ING5: variants seen among roughly 807,000 people sequenced by gnomAD.
ING5 encodes the protein inhibitor of growth family member 5.
ING5 carries 17 observed loss-of-function variants against 37.4 expected under a neutral mutation model. The ratio of observed to expected loss-of-function variants is 0.45; its 90% CI spans 0.31 to 0.68. The LOEUF (loss-of-function observed/expected upper bound fraction) is 0.68. Ranked by LOEUF, ING5 falls within the 30% of genes least tolerant of loss-of-function variation. ING5 has a pLI of 0.05. For synonymous variants in ING5, 123 were observed against 116.6 expected (o/e 1.06, Z -0.36); for missense variants, 233 against 311.9 (o/e 0.75, Z 1.91).
chr2:241,687,360 G>C, exon 1 of ING5: 1 of 398,866 alleles, frequency 2.5e-6, no homozygotes. Flanking sequence ...CTGGAGCCCA[G>C]CACGACTGCG....
chr2:241,713,826 CA>C (rs1162754537), intron 5 of ING5, among the ~76,000 whole-genome samples: 1 of 151,770 alleles, frequency 6.6e-6, no homozygotes, highest in African/African-American at 2.4e-5. Flanking sequence ...CCGTCTCTAC[CA>C]AAAATGCAAA....
chr2:241,712,706 G>A (rs1377157350), intron 5 of ING5, among the ~76,000 whole-genome samples: 1 of 152,144 alleles, frequency 6.6e-6, no homozygotes, highest in East Asian at 1.9e-4. Flanking sequence ...AAGCCTCTGT[G>A]GAGATGATCT....
rs150526503 is a variant in ING5, at chr2:241,720,868, G to A, written c.483-2071G>A. 4.7e-3 allele frequency: 4,623 copies of A among 985,736 alleles called. 12 individuals are homozygous for A. Among genetic ancestry groups the A allele is most frequent in the Non-Finnish European group, 5.3e-3 (4,365 of 830,170 alleles). 61.1% of individuals were successfully genotyped at this position (985,736 alleles called of 1,614,324 possible). ...TGATAGCAGCACTCCCTGGCCACAC[G>A]CCATGGCGCTCCCTCAGGCGAGACT... is the stretch of plus-strand genomic sequence containing the variant. On this transcript the variant is annotated intron_variant, in intron 5 of 7. Transcript: ENST00000313552.
intron 1 of ING5, among the ~76,000 whole-genome samples, chr2:241,688,392 G>A (rs2069486854): frequency 6.6e-6 from 1 of 152,188 alleles, no homozygotes; most frequent in Non-Finnish European, 1.5e-5. Context: ...TTCCCCATGA[G>A]CTCTTGAGAC....
At chr2:241,720,338 T>G in intron 5 of ING5, 2 of 1,207,092 alleles carry the variant, frequency 1.7e-6, no homozygotes, top group Non-Finnish European at 2.1e-6. Context: ...GCAGGTCCTG[T>G]TCCCTGCTGG....
At chr2:241,711,337 G>T in intron 3 of ING5, 40 bp from the exon 4 acceptor site, 1 of 1,381,826 alleles carries the variant, frequency 7.2e-7, no homozygotes, top group South Asian at 1.6e-5. Context: ...GAGGTGTTTT[G>T]GTTTTACTTT....
rs192173174 is a variant in ING5 at position 241,713,130 on chromosome 2, C to T, written c.482+1059C>T. Among the ~76,000 whole-genome samples the T allele has an allele frequency of 3.3e-5, 5 of 150,142 alleles. No homozygotes were observed. In the South Asian group the frequency reaches 6.3e-4, roughly 19 times the overall value. On this transcript the variant is annotated intron_variant, in intron 5 of 7. Coordinates refer to ENST00000313552, the MANE Select transcript of ING5 (RefSeq NM_032329.6). Reference sequence around the variant, plus strand: ...GGAGTGCAATGGCGCCATCTCGGCTCACTGCAACCTCTGCCTCCCAGGTTC... The same window carrying T: ...GGAGTGCAATGGCGCCATCTCGGCTTACTGCAACCTCTGCCTCCCAGGTTC...
chr2:241,709,559 T>TTG (rs1553584437), intron 3 of ING5, among the ~76,000 whole-genome samples, 177 bp downstream of exon 3: 2 of 148,356 alleles, frequency 1.3e-5, no homozygotes, highest in Non-Finnish European at 3.0e-5. Context: ...ATCCCTGTTT[T>TTG]TTTTTTTTTT....
At chr2:241,718,995 C>G (rs903784183) in intron 5 of ING5, among the ~76,000 whole-genome samples, 2 of 152,206 alleles carry the variant, frequency 1.3e-5, no homozygotes, top group African/African-American at 4.8e-5. Flanking sequence ...TCTGTTCTCC[C>G]CAGGAGGTGT....
intron 5 of ING5, among the ~76,000 whole-genome samples, chr2:241,713,466 G>A (rs991637868): frequency 1.3e-5 from 2 of 150,896 alleles, no homozygotes; most frequent in African/African-American, 4.9e-5. Flanking sequence ...TGCCTCCCAG[G>A]TTCAAGCAGT....
intron 1 of ING5, among the ~76,000 whole-genome samples, chr2:241,703,172 C>T (rs1156775605): frequency 3.3e-5 from 5 of 152,194 alleles, no homozygotes; most frequent in Non-Finnish European, 7.4e-5. Context: ...GTGGGCTGGC[C>T]TCCCAAGGAG....
rs1475219971 is a variant in ING5 at position 241,729,184 on chromosome 2, G to C, written c.*4153G>C. On this transcript the variant is annotated 3_prime_UTR_variant, in exon 8 of 8. Transcript: ENST00000313552. ...TGCTGAGAGGAATTTTAAGCCAGGG[G>C]AAGTGTAAGAAAATGTTCCCATTCA... is the stretch of plus-strand genomic sequence containing the variant. The C allele has an allele frequency of 1.3e-5, 2 of 152,668 alleles. No homozygotes were observed. Among genetic ancestry groups the C allele is most frequent in the African/African-American group, 2.4e-5 (1 of 41,454 alleles). The allele number at this position is 152,668 out of a possible 1,614,324, so 9.5% of individuals were successfully genotyped here. A position where few individuals can be genotyped will look rare whatever the true frequency, so the allele number is the denominator to read the frequency against.
At chr2:241,689,947 C>T (rs1412764889) in exon 2 of ING5, 1 of 151,204 alleles carries the variant, frequency 6.6e-6, no homozygotes, top group African/African-American at 2.4e-5. Flanking sequence ...AGGAAGACCA[C>T]CTTCCAGAGG....
intron 5 of ING5, among the ~76,000 whole-genome samples, chr2:241,718,173 C>G (rs144037753): frequency 6.6e-6 from 1 of 151,904 alleles, no homozygotes; most frequent in Non-Finnish European, 1.5e-5. Flanking sequence ...TCACCACACC[C>G]GGCTAAGTTT....
chr2:241,702,211 G>C, intron 1 of ING5, 109 bp downstream of exon 1: 1 of 457,570 alleles, frequency 2.2e-6, no homozygotes, highest in Non-Finnish European at 2.9e-6. Flanking sequence ...CGGGAGGGCG[G>C]CGGGCGCGGC....
intron 5 of ING5, chr2:241,721,950 G>C (rs2070446632): frequency 3.0e-6 from 3 of 985,966 alleles, no homozygotes; most frequent in South Asian, 9.4e-5. Context: ...ACCCACGTGG[G>C]AGCTGATGGG....
chr2:241,699,976 TTTAAA>T (rs201868277), upstream of ING5, among the ~76,000 whole-genome samples: 18,800 of 151,960 alleles, frequency 0.12, 1,340 homozygotes, highest in East Asian at 0.33. Flanking sequence ...ATTTAAACAC[TTTAAA>T]TTATTTTATT....
intron 2 of ING5, among the ~76,000 whole-genome samples, chr2:241,692,004 C>T (rs879476286): frequency 3.3e-5 from 5 of 151,828 alleles, no homozygotes; most frequent in East Asian, 1.9e-4. Flanking sequence ...GCCATGGTTG[C>T]GCCACTGCAC....
intron 1 of ING5, among the ~76,000 whole-genome samples, chr2:241,702,377 G>A (rs1001048830): frequency 2.7e-5 from 4 of 149,952 alleles, no homozygotes; most frequent in African/African-American, 7.3e-5. Context: ...GGGGCTTGCG[G>A]CCTCGACCCC....
Sources: allele counts gnomAD v4.1 joint callset (sites outside exome capture counted in the v4.1 genomes callset), GRCh38; gene constraint gnomAD v4.1.1; transcripts MANE v1.5; gene names NCBI Gene and HGNC (gene_info 2026-07-23, HGNC 2026-07-21).